KIF4A: variants seen among roughly 807,000 people sequenced by gnomAD.
KIF4A encodes the protein chromosome-associated kinesin KIF4A.
A neutral mutation model predicts 105.9 loss-of-function variants in KIF4A; 7 were observed. The ratio of observed to expected loss-of-function variants is 0.07; its 90% CI spans 0.04 to 0.12. The LOEUF (loss-of-function observed/expected upper bound fraction) is 0.12. KIF4A is among the 10% of genes least tolerant of loss of function. The pLI, the probability that KIF4A is intolerant of heterozygous loss-of-function variation, is 1.00. For synonymous variants in KIF4A, 281 were observed against 331.3 expected (o/e 0.85, Z 1.65); for missense variants, 558 against 929.2 (o/e 0.60, Z 5.19).
chrX:70,383,135 C>T (rs2086204092), intron 18 of KIF4A, among the ~76,000 whole-genome samples: 1 of 104,748 alleles, frequency 9.5e-6, no homozygotes, highest in African/African-American at 3.5e-5. Context: ...TGTGGTGAGC[C>T]GAGATCGTGC....
intron 19 of KIF4A, 40 bp from the exon 20 acceptor site, chrX:70,387,144 T>C (rs1041267262): frequency 4.9e-5 from 44 of 900,198 alleles, no homozygotes; most frequent in Non-Finnish European, 6.2e-5. Flanking sequence ...TTTTTTTTTT[T>C]ACCATTCATT....
intron 20 of KIF4A, among the ~76,000 whole-genome samples, chrX:70,389,478 G>A (rs2086230107): frequency 8.9e-6 from 1 of 112,271 alleles, no homozygotes; most frequent in African/African-American, 3.2e-5. Context: ...TGAAGTGGAA[G>A]AATCGCTTGA....
intron 4 of KIF4A, among the ~76,000 whole-genome samples, chrX:70,298,246 CT>C (rs1225015083): frequency 4.5e-5 from 5 of 110,602 alleles, no homozygotes; most frequent in Non-Finnish European, 9.5e-5. Flanking sequence ...TTATTTATTT[CT>C]TTTGAGAAAG....
chrX:70,375,981 G>A (rs776704722), intron 17 of KIF4A, 119 bp from the exon 18 acceptor site: 2 of 455,665 alleles, frequency 4.4e-6, no homozygotes, highest in South Asian at 8.3e-5. Flanking sequence ...ATCTGTTGGG[G>A]ACTGCTTTCC....
At chrX:70,311,872 G>T (rs2085851190) in intron 7 of KIF4A, among the ~76,000 whole-genome samples, 1 of 107,966 alleles carries the variant, frequency 9.3e-6, no homozygotes, top group African/African-American at 3.4e-5. Context: ...GAGGATGGCT[G>T]GAGCCCAGGA....
intron 7 of KIF4A, among the ~76,000 whole-genome samples, chrX:70,311,191 TA>T (rs747621149): frequency 9.0e-6 from 1 of 111,308 alleles, no homozygotes; most frequent in East Asian, 2.8e-4. Flanking sequence ...TTGCCGAATT[TA>T]TTAATATAAT....
At chrX:70,344,491 G>T (rs1390180288) in intron 13 of KIF4A, among the ~76,000 whole-genome samples, 1 of 111,121 alleles carries the variant, frequency 9.0e-6, no homozygotes, top group African/African-American at 3.3e-5. Context: ...TGGGGGTGGG[G>T]TGGTTATTTG....
intron 10 of KIF4A, among the ~76,000 whole-genome samples, chrX:70,339,213 A>C (rs1196172921): frequency 1.8e-5 from 2 of 111,681 alleles, no homozygotes; most frequent in Non-Finnish European, 3.8e-5. Flanking sequence ...CATACTTTCA[A>C]TATTTTTGTT....
At chrX:70,391,903 G>A (rs2086238801) in intron 20 of KIF4A, among the ~76,000 whole-genome samples, 1 of 111,074 alleles carries the variant, frequency 9.0e-6, no homozygotes, top group Non-Finnish European at 1.9e-5. Context: ...AATTCTCTTA[G>A]GATAATAGCC....
intron 7 of KIF4A, among the ~76,000 whole-genome samples, chrX:70,322,708 C>CT (rs200358355): frequency 1.7e-4 from 17 of 100,038 alleles, no homozygotes; most frequent in Admixed American, 2.2e-4. Flanking sequence ...GTTCTATGCT[C>CT]TTTTTTTTTT....
chrX:70,331,415 A>AT (rs996620782), intron 9 of KIF4A, among the ~76,000 whole-genome samples: 8 of 111,322 alleles, frequency 7.2e-5, no homozygotes, highest in Admixed American at 1.9e-4. Context: ...GAGTCACACA[A>AT]TTTTTTTTGT....
At chrX:70,332,211 G>C (rs2085933522) in intron 9 of KIF4A, among the ~76,000 whole-genome samples, 1 of 112,025 alleles carries the variant, frequency 8.9e-6, no homozygotes, top group African/African-American at 3.2e-5. Flanking sequence ...AATATAAGGA[G>C]AATGTAAGTA....
intron 11 of KIF4A, 100 bp from the exon 12 acceptor site, chrX:70,343,603 C>G: frequency 1.4e-6 from 1 of 710,916 alleles, no homozygotes; most frequent in Non-Finnish European, 2.2e-6. Flanking sequence ...GCAAAGGAGA[C>G]AGCCTCTCTA....
In KIF4A at chrX:70,402,710, A is replaced by C; in HGVS notation, c.2619+15A>C. On this transcript the variant is annotated intron_variant, in intron 23 of 30. Coordinates refer to ENST00000374403, the MANE Select transcript of KIF4A (RefSeq NM_012310.5). ...TGATTGGAGAGGTAAACATCACTCT[A>C]ACCAGCAGTTAGGAGGCTGGCTGTG... The C allele has an allele frequency of 8.3e-7, 1 of 1,204,207 alleles. No homozygotes were observed. The highest frequency in any genetic ancestry group is 1.1e-6 in the Non-Finnish European group (1 of 891,167).
chrX:70,366,028 C>T (rs2086101483), intron 15 of KIF4A, among the ~76,000 whole-genome samples: 1 of 111,607 alleles, frequency 9.0e-6, no homozygotes, highest in African/African-American at 3.3e-5. Flanking sequence ...AGTTTATTTG[C>T]ATAGAGGTGT....
intron 7 of KIF4A, among the ~76,000 whole-genome samples, chrX:70,312,304 C>T (rs747345397): frequency 5.5e-5 from 6 of 109,958 alleles, no homozygotes; most frequent in Non-Finnish European, 1.1e-4. Flanking sequence ...GCCACCACGT[C>T]CAGCTAATTT....
At chrX:70,293,227 G>A (rs756714164) in intron 3 of KIF4A, among the ~76,000 whole-genome samples, 1 of 112,302 alleles carries the variant, frequency 8.9e-6, no homozygotes, top group Non-Finnish European at 1.9e-5. Flanking sequence ...AGATTAAAAC[G>A]TTGTTTCAAA....
At chrX:70,419,981 T>C in intron 30 of KIF4A, 81 bp from the exon 31 acceptor site, 1 of 1,013,351 alleles carries the variant, frequency 9.9e-7, no homozygotes, top group African/African-American at 1.9e-5. Flanking sequence ...TGGGAGTATG[T>C]CGAGCATCTA....
intron 7 of KIF4A, among the ~76,000 whole-genome samples, chrX:70,304,426 A>C (rs1793537540): frequency 9.6e-6 from 1 of 104,133 alleles, no homozygotes; most frequent in Non-Finnish European, 2.0e-5. Context: ...TTATAGCAGC[A>C]TGATTTATAG....
Sources: gnomAD v4.1 joint callset for allele counts (sites outside exome capture counted in the v4.1 genomes callset) on GRCh38, gnomAD v4.1.1 for gene constraint, MANE v1.5 for transcripts, NCBI Gene and HGNC (gene_info 2026-07-23, HGNC 2026-07-21) for gene names.